Variants in PID1 observed in about 807,000 individuals in gnomAD.
PID1 encodes the protein PTB-containing, cubilin and LRP1-interacting protein.
Under a neutral mutation model 19.1 loss-of-function variants are expected in PID1, and 10 were observed. That is an observed-to-expected ratio of 0.52 (90% CI 0.32 to 0.89). PID1 has a LOEUF of 0.89. Ranked by LOEUF, PID1 falls within the 40% of genes least tolerant of loss-of-function variation. PID1 has a pLI of 0.03. For missense variants in PID1, 248 were observed against 285.3 expected, an observed-to-expected ratio of 0.87 and a Z score of 0.94; for synonymous variants, 130 against 116.0, an observed-to-expected ratio of 1.12 and a Z score of -0.78.
intron 1 of PID1, among the ~76,000 whole-genome samples, chr2:229,195,993 T>C (rs1224924516): frequency 6.6e-6 from 1 of 152,010 alleles, no homozygotes; most frequent in Non-Finnish European, 1.5e-5. Context: ...ATCCAAGAAT[T>C]GTAAAAGTGT....
At chr2:229,048,295 C>T (rs553962971) in intron 2 of PID1, among the ~76,000 whole-genome samples, 1 of 152,082 alleles carries the variant, frequency 6.6e-6, no homozygotes, top group African/African-American at 2.4e-5. Flanking sequence ...GCTTGATCAC[C>T]CCATTGTTCC....
intron 1 of PID1, among the ~76,000 whole-genome samples, chr2:229,226,968 T>C (rs566732302): frequency 1.3e-5 from 2 of 152,332 alleles, no homozygotes; most frequent in South Asian, 2.1e-4. Context: ...TTCACAACTA[T>C]AAAAGAGCAA....
chr2:229,167,909 C>T (rs1379956415), intron 1 of PID1, among the ~76,000 whole-genome samples: 1 of 152,042 alleles, frequency 6.6e-6, no homozygotes, highest in Non-Finnish European at 1.5e-5. Context: ...ATCACTTGTA[C>T]ATTTTCAAAT....
At chr2:229,112,359 A>G (rs181306378) in intron 2 of PID1, among the ~76,000 whole-genome samples, 3 of 152,292 alleles carry the variant, frequency 2.0e-5, no homozygotes, top group South Asian at 4.1e-4. Context: ...AACTTACACC[A>G]TCATTGGAGT....
intron 2 of PID1, among the ~76,000 whole-genome samples, chr2:229,054,728 G>T (rs571278106): frequency 8.1e-6 from 1 of 122,756 alleles, no homozygotes; most frequent in African/African-American, 3.0e-5. Context: ...GTGGGGGGGG[G>T]GGGGGGTCTG....
chr2:229,062,905 G>A (rs757255264), intron 2 of PID1, among the ~76,000 whole-genome samples: 4 of 151,818 alleles, frequency 2.6e-5, no homozygotes, highest in African/African-American at 7.3e-5. Context: ...CCAATTTGTT[G>A]GCGAATAATT....
At chr2:229,032,206 CT>C (rs1449505714) in intron 2 of PID1, among the ~76,000 whole-genome samples, 16 of 152,170 alleles carry the variant, frequency 1.1e-4, no homozygotes, top group Non-Finnish European at 1.9e-4. Context: ...TATATCAACA[CT>C]GTTACAGGGA....
At chr2:229,231,844 T>G (rs777389718) in intron 1 of PID1, 9 of 1,540,210 alleles carry the variant, frequency 5.8e-6, no homozygotes, top group Non-Finnish European at 7.9e-6. Context: ...TTTACCTCCT[T>G]GTCTTAATCT....
At chr2:229,254,462 G>A (rs1690240136) in intron 1 of PID1, among the ~76,000 whole-genome samples, 1 of 152,104 alleles carries the variant, frequency 6.6e-6, no homozygotes, top group Admixed American at 6.6e-5. Context: ...AAATTCCAGG[G>A]CCTTCAAGTT....
At chr2:229,141,117 A>G (rs1447322843) in intron 2 of PID1, among the ~76,000 whole-genome samples, 3 of 151,966 alleles carry the variant, frequency 2.0e-5, no homozygotes, top group African/African-American at 7.3e-5. Context: ...GACCCTTGCT[A>G]TGAAGCGGAA....
intron 2 of PID1, among the ~76,000 whole-genome samples, chr2:229,046,523 G>T (rs529368234): frequency 1.3e-5 from 2 of 151,622 alleles, no homozygotes; most frequent in Non-Finnish European, 2.9e-5. Flanking sequence ...TAGATCTTAC[G>T]GTGAAAAATC....
intron 1 of PID1, among the ~76,000 whole-genome samples, chr2:229,170,720 G>C (rs1313931751): frequency 6.6e-6 from 1 of 152,186 alleles, no homozygotes; most frequent in African/African-American, 2.4e-5. Flanking sequence ...CACAGATCAA[G>C]TAGACGCCTC....
chr2:229,179,967 C>G (rs980937119), intron 1 of PID1, among the ~76,000 whole-genome samples: 8 of 152,216 alleles, frequency 5.3e-5, no homozygotes, highest in African/African-American at 1.9e-4. Context: ...ACATATCCCC[C>G]ACCCAGCACA....
chr2:229,139,795 G>A (rs1488766181), intron 2 of PID1, among the ~76,000 whole-genome samples: 1 of 152,110 alleles, frequency 6.6e-6, no homozygotes, highest in Non-Finnish European at 1.5e-5. Flanking sequence ...GATATAATAA[G>A]GAGGAACAGT....
At chr2:229,164,471 A>G (rs1012005997) in intron 1 of PID1, among the ~76,000 whole-genome samples, 1 of 152,140 alleles carries the variant, frequency 6.6e-6, no homozygotes, top group Non-Finnish European at 1.5e-5. Flanking sequence ...TGGGACATGA[A>G]CAAGTACTTA....
At chr2:229,233,140 AT>A (rs1428261849) in intron 1 of PID1, among the ~76,000 whole-genome samples, 2 of 152,132 alleles carry the variant, frequency 1.3e-5, no homozygotes, top group African/African-American at 4.8e-5. Context: ...CCTTAGTTTA[AT>A]TTTTTTAAAT....
intron 2 of PID1, among the ~76,000 whole-genome samples, chr2:229,086,564 A>G (rs1694770398): frequency 6.6e-6 from 1 of 152,178 alleles, no homozygotes. Context: ...TATAAAAGTA[A>G]AAGAAGGAGA....
intron 2 of PID1, among the ~76,000 whole-genome samples, chr2:229,029,157 A>C (rs1693489858): frequency 6.6e-6 from 1 of 151,848 alleles, no homozygotes; most frequent in African/African-American, 2.4e-5. Context: ...CCATTAACAC[A>C]CCAAACCTCG....
chr2:229,171,091 G>A (rs759189316), intron 1 of PID1, among the ~76,000 whole-genome samples: 2 of 152,192 alleles, frequency 1.3e-5, no homozygotes, highest in Non-Finnish European at 2.9e-5. Flanking sequence ...CAGTATCAGA[G>A]TGAATACCCC....
Sources: allele counts gnomAD v4.1 joint callset (sites outside exome capture counted in the v4.1 genomes callset), GRCh38; gene constraint gnomAD v4.1.1; transcripts MANE v1.5; gene names NCBI Gene and HGNC (gene_info 2026-07-23, HGNC 2026-07-21).